The following TEX11 variants were observed in gnomAD, a reference collection of about 807,000 sequenced individuals.
TEX11 encodes testis expressed 11.
A neutral mutation model predicts 84.4 loss-of-function variants in TEX11; 7 were observed. That is an observed-to-expected ratio of 0.08 (90% CI 0.05 to 0.16). TEX11 has a LOEUF of 0.16. Ranked by LOEUF, TEX11 falls within the 10% of genes least tolerant of loss-of-function variation. The pLI, the probability that TEX11 is intolerant of heterozygous loss-of-function variation, is 1.00. For missense variants in TEX11, 551 were observed against 660.5 expected (o/e 0.83, Z 1.82); for synonymous variants, 264 against 222.8 (o/e 1.18, Z -1.64).
intron 8 of TEX11, among the ~76,000 whole-genome samples, chrX:70,819,315 T>C (rs1397983591): frequency 8.9e-6 from 1 of 111,953 alleles, no homozygotes; most frequent in African/African-American, 3.2e-5. Context: ...TATACTATAT[T>C]AACAAAATGA....
chrX:70,777,717 T>C (rs925799190), intron 9 of TEX11, among the ~76,000 whole-genome samples: 2 of 110,810 alleles, frequency 1.8e-5, no homozygotes, highest in South Asian at 3.9e-4. Flanking sequence ...TACATAACTG[T>C]CATGGCAACC....
chrX:70,679,196 A>G (rs1029429492), intron 14 of TEX11, among the ~76,000 whole-genome samples: 1 of 112,608 alleles, frequency 8.9e-6, no homozygotes, highest in African/African-American at 3.2e-5. Context: ...CAGCCTCGGC[A>G]TCCTGAGGTG....
At chrX:70,737,394 A>T (rs911766220) in intron 11 of TEX11, among the ~76,000 whole-genome samples, 3 of 111,115 alleles carry the variant, frequency 2.7e-5, no homozygotes, top group African/African-American at 9.8e-5. Flanking sequence ...TAATTAGAGT[A>T]CTTGGGGGAA....
chrX:70,710,188 A>T (rs1018271396), intron 13 of TEX11, among the ~76,000 whole-genome samples: 1 of 111,739 alleles, frequency 8.9e-6, no homozygotes, highest in Non-Finnish European at 1.9e-5. Context: ...TTAACATTGT[A>T]ACTAGGAAAA....
chrX:70,635,406 C>T (rs1277603333), intron 17 of TEX11, among the ~76,000 whole-genome samples: 1 of 112,097 alleles, frequency 8.9e-6, no homozygotes, highest in Non-Finnish European at 1.9e-5. Context: ...CAGACCTGCC[C>T]GAAGGACTTG....
intron 2 of TEX11, among the ~76,000 whole-genome samples, chrX:70,890,330 T>C (rs759730826): frequency 2.7e-5 from 3 of 111,546 alleles, no homozygotes; most frequent in East Asian, 5.7e-4. Context: ...GTTCATCTCA[T>C]TGGGACTGGT....
chrX:70,815,495 TAA>T (rs1374032518), intron 8 of TEX11, among the ~76,000 whole-genome samples: 3 of 111,654 alleles, frequency 2.7e-5, no homozygotes, highest in African/African-American at 9.7e-5. Context: ...TAAGGTATTT[TAA>T]AAGAGAGAGA....
chrX:70,832,903 A>G (rs1474360969), intron 8 of TEX11, among the ~76,000 whole-genome samples: 2 of 111,877 alleles, frequency 1.8e-5, no homozygotes, highest in Non-Finnish European at 3.8e-5. Flanking sequence ...CTTTTGTTGT[A>G]TAGCATGAAT....
At chrX:70,886,409 G>A (rs1278367471) in intron 2 of TEX11, among the ~76,000 whole-genome samples, 2 of 111,591 alleles carry the variant, frequency 1.8e-5, no homozygotes, top group African/African-American at 6.5e-5. Flanking sequence ...GAACCAAAGA[G>A]TAGAATGGTG....
chrX:70,831,521 C>T (rs1366421162), intron 8 of TEX11, among the ~76,000 whole-genome samples: 1 of 110,946 alleles, frequency 9.0e-6, no homozygotes, highest in East Asian at 2.8e-4. Context: ...CCCAGCTACT[C>T]GAGAGGCTGA....
chrX:70,775,923 G>A (rs2090999139), intron 9 of TEX11, among the ~76,000 whole-genome samples: 1 of 109,351 alleles, frequency 9.1e-6, no homozygotes, highest in Non-Finnish European at 1.9e-5. Flanking sequence ...CAGTCAGAAT[G>A]CCTATTATTA....
intron 1 of TEX11, among the ~76,000 whole-genome samples, 168 bp downstream of exon 1, chrX:70,908,486 G>T (rs1369544231): frequency 8.9e-6 from 1 of 112,284 alleles, no homozygotes; most frequent in Non-Finnish European, 1.9e-5. Flanking sequence ...GCCCATCTTC[G>T]TTCGCCTTGA....
At chrX:70,749,960 G>T (rs1031321778) in intron 9 of TEX11, among the ~76,000 whole-genome samples, 5 of 110,979 alleles carry the variant, frequency 4.5e-5, no homozygotes, top group East Asian at 5.6e-4. Flanking sequence ...CACAGCAAAA[G>T]AAACTACCAT....
chrX:70,599,686 C>G (rs1275597373), intron 24 of TEX11, among the ~76,000 whole-genome samples: 1 of 84,198 alleles, frequency 1.2e-5, no homozygotes, highest in Non-Finnish European at 2.2e-5. Flanking sequence ...CACCCCACAA[C>G]AGTCCCCAGA....
chrX:70,521,340 A>G, the TEX11 span, among the ~76,000 whole-genome samples: 10 of 109,720 alleles, frequency 9.1e-5, no homozygotes, highest in Non-Finnish European at 1.3e-4. Context: ...GTGCAGTGGC[A>G]TGATCTCAGT....
At chrX:70,697,214 C>T (rs2090287755) in intron 13 of TEX11, among the ~76,000 whole-genome samples, 1 of 111,849 alleles carries the variant, frequency 8.9e-6, no homozygotes, top group African/African-American at 3.2e-5. Context: ...GGATGATCTC[C>T]CTATTTTAAA....
At position 70,727,863 on chromosome X, in the gene TEX11, GATCTTGGAC is replaced by G. The variant is rs2090611726; in HGVS notation, c.844-2529_844-2521del. ...CAGGAACCAAAAAGGCTGGTATTTT[GATCTTGGAC>G]ATCTCAGTCCCTAGAAGTGTGAGAC... is the stretch of plus-strand genomic sequence containing the variant. On this transcript the variant is annotated intron_variant, in intron 11 of 29. Transcript: ENST00000374333. Among the ~76,000 whole-genome samples, 12 of 111,691 alleles carry G rather than the reference GATCTTGGAC, an allele frequency of 1.1e-4. No homozygotes were observed. In the South Asian group the frequency reaches 4.5e-3, roughly 42 times the overall value.
chrX:70,572,328 G>A (rs1055808649), intron 25 of TEX11, among the ~76,000 whole-genome samples: 5 of 111,498 alleles, frequency 4.5e-5, no homozygotes, highest in East Asian at 2.8e-4. Context: ...TTAGAATGGC[G>A]ATTATTAAAA....
At chrX:70,788,973 T>TATATATAG (rs1211700739) in intron 9 of TEX11, among the ~76,000 whole-genome samples, 7 of 9,556 alleles carry the variant, frequency 7.3e-4, no homozygotes, top group Non-Finnish European at 1.1e-3. Context: ...TATATATATA[T>TATATATAG]AGAGAGAGAG....
Sources: gnomAD v4.1 joint callset for allele counts (sites outside exome capture counted in the v4.1 genomes callset) on GRCh38, gnomAD v4.1.1 for gene constraint, MANE v1.5 for transcripts, NCBI Gene and HGNC (gene_info 2026-07-23, HGNC 2026-07-21) for gene names.